MGAT4A: variants seen among roughly 807,000 people sequenced by gnomAD.
MGAT4A encodes N-acetylglucosaminyltransferase IVa.
MGAT4A carries 33 observed loss-of-function variants against 74.1 expected under a neutral mutation model. The observed-to-expected ratio is 0.45, with a 90% CI of 0.34 to 0.60. The LOEUF (loss-of-function observed/expected upper bound fraction) is 0.60, where lower values mean the gene tolerates loss of function less well. MGAT4A is among the 20% of genes least tolerant of loss of function. The pLI, the probability that MGAT4A is intolerant of heterozygous loss-of-function variation, is 0.02. For missense variants in MGAT4A, 479 were observed against 628.3 expected (o/e 0.76, Z 2.54); for synonymous variants, 198 against 210.4 (o/e 0.94, Z 0.51).
At chr2:98,674,309 C>T (rs559363579) in intron 4 of MGAT4A, among the ~76,000 whole-genome samples, 1 of 152,214 alleles carries the variant, frequency 6.6e-6, no homozygotes, top group South Asian at 2.1e-4. Flanking sequence ...AATATTCTGC[C>T]CTCTGCATTT....
rs1701025755 is a variant in MGAT4A, at chr2:98,620,115, A to G, written c.*5451T>C. On this transcript the variant is annotated 3_prime_UTR_variant, in exon 16 of 16. Coordinates refer to ENST00000393487, the MANE Select transcript of MGAT4A (RefSeq NM_012214.3). ...CGGGTGAAGGAGTGTTTCAGGTAAG[A>G]AGAAGAGTTTATATATAGGTGTTGA... 1 of 152,192 alleles carries G rather than the reference A, an allele frequency of 6.6e-6. No individual in the cohort carries two copies. Among genetic ancestry groups the G allele is most frequent in the Non-Finnish European group, 1.5e-5 (1 of 68,022 alleles). The allele number at this position is 152,192 out of a possible 1,614,324, so 9.4% of individuals were successfully genotyped here. A position where few individuals can be genotyped will look rare whatever the true frequency, so the allele number is the denominator to read the frequency against.
intron 1 of MGAT4A, among the ~76,000 whole-genome samples, chr2:98,730,621 C>A (rs541957490): frequency 7.9e-5 from 12 of 151,792 alleles, no homozygotes; most frequent in African/African-American, 2.7e-4. Context: ...TGTCCCTCCC[C>A]CTCCGCACCC....
chr2:98,652,432 G>A (rs973981713), intron 8 of MGAT4A, among the ~76,000 whole-genome samples: 2 of 148,890 alleles, frequency 1.3e-5, no homozygotes, highest in East Asian at 2.0e-4. Context: ...CCGGGTTCAC[G>A]CCATTCTCCT....
intron 4 of MGAT4A, among the ~76,000 whole-genome samples, chr2:98,669,528 G>A (rs1368596440): frequency 6.6e-6 from 1 of 152,128 alleles, no homozygotes; most frequent in East Asian, 1.9e-4. Context: ...GACTAATACA[G>A]CATGTTTAGA....
At chr2:98,662,144 T>C (rs1245118988) in intron 5 of MGAT4A, among the ~76,000 whole-genome samples, 2 of 152,182 alleles carry the variant, frequency 1.3e-5, no homozygotes, top group African/African-American at 4.8e-5. Flanking sequence ...AGTCTGTAGT[T>C]TGGTTGAGTA....
intron 4 of MGAT4A, among the ~76,000 whole-genome samples, chr2:98,666,737 T>C (rs918773695): frequency 2.0e-5 from 3 of 151,618 alleles, no homozygotes; most frequent in Non-Finnish European, 2.9e-5. Flanking sequence ...ATGAGGAGCA[T>C]TCCTAGAAAA....
intron 2 of MGAT4A, among the ~76,000 whole-genome samples, chr2:98,685,094 C>G (rs906161159): frequency 2.0e-5 from 3 of 151,960 alleles, no homozygotes; most frequent in African/African-American, 7.2e-5. Flanking sequence ...CAAAAATTAG[C>G]CAGTGTGGTA....
Position 98,725,843 on chromosome 2 carries a change from C to T in MGAT4A, c.94+396G>A, listed in dbSNP as rs187179195. On this transcript the variant is annotated intron_variant, in intron 2 of 15. Transcript: ENST00000393487. Reference sequence around the variant, plus strand: ...TAGCATAATTAGCATGTAAATCTCACGAAGGCACTAATTGTGTCCTTTTAA... The same window carrying T: ...TAGCATAATTAGCATGTAAATCTCATGAAGGCACTAATTGTGTCCTTTTAA... 1,477 of 255,578 alleles carry T rather than the reference C, an allele frequency of 5.8e-3. 10 individuals are homozygous for T. Among genetic ancestry groups the T allele is most frequent in the Non-Finnish European group, 8.6e-3 (1,166 of 136,326 alleles). The allele number at this position is 255,578 out of a possible 1,614,324, so 15.8% of individuals were successfully genotyped here.
intron 12 of MGAT4A, among the ~76,000 whole-genome samples, chr2:98,636,857 A>G (rs944366367): frequency 3.1e-4 from 47 of 152,354 alleles, no homozygotes; most frequent in African/African-American, 8.9e-4. Flanking sequence ...ATAATAATGT[A>G]CCTAGATATT....
At chr2:98,701,035 C>T (rs1179147806) in intron 2 of MGAT4A, among the ~76,000 whole-genome samples, 3 of 152,030 alleles carry the variant, frequency 2.0e-5, no homozygotes, top group African/African-American at 4.8e-5. Context: ...CAGCTGAGTT[C>T]TCATCTGCTT....
intron 4 of MGAT4A, among the ~76,000 whole-genome samples, chr2:98,669,628 C>T (rs1377905516): frequency 6.6e-6 from 1 of 152,116 alleles, no homozygotes; most frequent in Non-Finnish European, 1.5e-5. Context: ...ACTTCAAAAG[C>T]ACTAAACATG....
chr2:98,638,112 AATTG>A (rs1212675243), intron 12 of MGAT4A, among the ~76,000 whole-genome samples: 3 of 152,218 alleles, frequency 2.0e-5, no homozygotes, highest in Admixed American at 6.5e-5. Flanking sequence ...AAGAAAAAGA[AATTG>A]ATTGTTGAGG....
chr2:98,625,820 C>A lies in MGAT4A; in HGVS notation c.1484G>T (p.Gly495Val). The A allele has an allele frequency of 6.2e-7, 1 of 1,608,128 alleles. No homozygotes were observed. Among genetic ancestry groups the A allele is most frequent in the African/African-American group, 1.3e-5 (1 of 74,884 alleles). Residue 495 changes from glycine to valine, a missense_variant, in exon 15 of 16, where the codon GGT (glycine) becomes GTT (valine). By Grantham distance (109) the Gly-to-Val change is moderately radical. Coordinates refer to ENST00000393487, the MANE Select transcript of MGAT4A (RefSeq NM_012214.3). ...GYFRIGKFEN[G>V]VAEGMVDPSL... ...TGGATCCACCATTCCTTCTGCAACA[C>A]CATTCTCAAATTTTCCTTCAAAATA... is the stretch of plus-strand genomic sequence containing the variant.
intron 2 of MGAT4A, among the ~76,000 whole-genome samples, chr2:98,707,418 A>G (rs1488336792): frequency 6.6e-6 from 1 of 152,092 alleles, no homozygotes; most frequent in African/African-American, 2.4e-5. Flanking sequence ...TTCTTTTTAT[A>G]AGTGCTCATG....
At position 98,623,968 on chromosome 2, in the gene MGAT4A, C is replaced by A. The variant is rs1701101344; in HGVS notation, c.*1598G>T. Reference sequence around the variant, plus strand: ...ACCAACCTGCAACCCACTTGTGGCACCCCAGTGTGTCCAAGCAGACTGGCT... The same window carrying A: ...ACCAACCTGCAACCCACTTGTGGCAACCCAGTGTGTCCAAGCAGACTGGCT... On this transcript the variant is annotated 3_prime_UTR_variant, in exon 16 of 16. Coordinates refer to ENST00000393487, the MANE Select transcript of MGAT4A (RefSeq NM_012214.3). The A allele has an allele frequency of 1.0e-6, 1 of 985,454 alleles. No homozygotes were observed. Among genetic ancestry groups the A allele is most frequent in the Non-Finnish European group, 1.2e-6 (1 of 829,982 alleles). The allele number at this position is 985,454 out of a possible 1,614,324, so 61.0% of individuals were successfully genotyped here.
In MGAT4A at chr2:98,698,112, AAGT is replaced by A. The variant is rs1222815842; in HGVS notation, c.95-19644_95-19642del. Among the ~76,000 whole-genome samples the A allele has an allele frequency of 3.5e-4, 54 of 152,322 alleles. 1 individual carries two copies. Among genetic ancestry groups the A allele is most frequent in the African/African-American group, 1.3e-3 (53 of 41,564 alleles). ...GATGATTCAAGTGCAGAAGAACCAGAAGTAGTGATAAGCTGGCTGGGTGTGGTG... is the reference window on the plus strand; with the variant it reads ...GATGATTCAAGTGCAGAAGAACCAGAAGTGATAAGCTGGCTGGGTGTGGTG... On this transcript the variant is annotated intron_variant, in intron 2 of 15. Transcript: ENST00000393487.
intron 2 of MGAT4A, among the ~76,000 whole-genome samples, chr2:98,691,999 T>C (rs1230499333): frequency 6.6e-6 from 1 of 152,248 alleles, no homozygotes; most frequent in African/African-American, 2.4e-5. Context: ...AAATATTTTA[T>C]GTGGTTATAC....
chr2:98,718,922 C>A (rs1199226478), intron 2 of MGAT4A, among the ~76,000 whole-genome samples: 2 of 152,188 alleles, frequency 1.3e-5, no homozygotes, highest in East Asian at 3.8e-4. Flanking sequence ...TAGAGTGGGG[C>A]TGCCACTCAG....
chr2:98,710,606 C>T (rs893922343), intron 2 of MGAT4A, among the ~76,000 whole-genome samples: 16 of 152,030 alleles, frequency 1.1e-4, no homozygotes, highest in Non-Finnish European at 2.1e-4. Context: ...ACTACAGGCA[C>T]GCACCACCAT....
Sources: allele counts gnomAD v4.1 joint callset (sites outside exome capture counted in the v4.1 genomes callset), GRCh38; gene constraint gnomAD v4.1.1; transcripts MANE v1.5; gene names NCBI Gene and HGNC (gene_info 2026-07-23, HGNC 2026-07-21).